The following THADA variants were observed in gnomAD, a reference collection of about 807,000 sequenced individuals.
THADA encodes tRNA (32-2'-O)-methyltransferase regulator THADA.
In THADA, 213 loss-of-function variants were observed where a neutral mutation model predicts 219.8. The observed-to-expected ratio is 0.97, with a 90% CI of 0.87 to 1.09. THADA has a LOEUF of 1.09. THADA is among the 50% of genes least tolerant of loss of function. THADA has a pLI of 0.00. For synonymous variants in THADA, 1,018 were observed against 828.9 expected, an observed-to-expected ratio of 1.23 and a Z score of -3.92; for missense variants, 2,956 against 2,311.3, an observed-to-expected ratio of 1.28 and a Z score of -5.72.
intron 31 of THADA, among the ~76,000 whole-genome samples, chr2:43,294,683 A>G (rs570752408): frequency 1.3e-5 from 2 of 152,284 alleles, no homozygotes; most frequent in East Asian, 3.9e-4. Context: ...TGAGGAGGCA[A>G]TATTAGAGGC....
chr2:43,592,579 C>G (rs1346825937), intron 1 of THADA, among the ~76,000 whole-genome samples, 163 bp from the exon 2 acceptor site: 1 of 152,186 alleles, frequency 6.6e-6, no homozygotes, highest in Non-Finnish European at 1.5e-5. Flanking sequence ...TCCTCCCTCC[C>G]AAGTTCTGAC....
intron 31 of THADA, among the ~76,000 whole-genome samples, chr2:43,295,132 A>G (rs982023836): frequency 3.9e-5 from 6 of 152,226 alleles, no homozygotes; most frequent in Non-Finnish European, 5.9e-5. Context: ...GGATCACTTG[A>G]GCCCAGGAGG....
At chr2:43,241,644 A>C (rs1179130631) in intron 36 of THADA, among the ~76,000 whole-genome samples, 1 of 151,784 alleles carries the variant, frequency 6.6e-6, no homozygotes, top group Non-Finnish European at 1.5e-5. Context: ...GCATCTTTTG[A>C]AAATTAGGAA....
chr2:43,574,939 G>A lies in THADA; in HGVS notation c.1126C>T (p.Pro376Ser). ...SAIQVLESSS[P>S]SLTDSLNGNS... The stretch of plus-strand genomic sequence containing the variant: ...CCATTCAGGCTGTCCGTTAGGCTCG[G>A]GGAACTTGATTCAAGGACTTGTATG... Residue 376 changes from proline to serine, a missense_variant, in exon 11 of 38, where the codon CCG (proline) becomes TCG (serine). By Grantham distance (74) the Pro-to-Ser change is moderately conservative (BLOSUM62 -1). Transcript: ENST00000405975. 1 of 1,613,942 alleles carries A rather than the reference G, an allele frequency of 6.2e-7. No individual in the cohort carries two copies. Among genetic ancestry groups the A allele is most frequent in the Non-Finnish European group, 8.5e-7 (1 of 1,179,882 alleles).
chr2:43,364,372 C>G (rs1458343632), intron 29 of THADA, among the ~76,000 whole-genome samples: 1 of 152,218 alleles, frequency 6.6e-6, no homozygotes, highest in African/African-American at 2.4e-5. Flanking sequence ...CCCAGCACTA[C>G]TAACGTTCCC....
intron 30 of THADA, among the ~76,000 whole-genome samples, chr2:43,339,030 C>T (rs1215903854): frequency 1.3e-5 from 2 of 152,058 alleles, no homozygotes; most frequent in Non-Finnish European, 2.9e-5. Context: ...CTTACATATA[C>T]AGTATAGCCT....
intron 29 of THADA, among the ~76,000 whole-genome samples, chr2:43,348,259 G>A (rs1478900380): frequency 6.6e-6 from 1 of 152,210 alleles, no homozygotes; most frequent in Non-Finnish European, 1.5e-5. Context: ...CTGAGCAGCA[G>A]GAGCTGGCCC....
chr2:43,438,084 G>A (rs905020493), intron 26 of THADA, among the ~76,000 whole-genome samples: 3 of 151,942 alleles, frequency 2.0e-5, no homozygotes, highest in Admixed American at 6.6e-5. Context: ...GGCAGATCAC[G>A]AGGTCAGGAG....
intron 36 of THADA, among the ~76,000 whole-genome samples, chr2:43,248,967 C>A (rs185043324): frequency 6.6e-6 from 1 of 152,214 alleles, no homozygotes; most frequent in Non-Finnish European, 1.5e-5. Context: ...TCTGTATGCA[C>A]AGTAACCTGT....
At chr2:43,418,532 G>A (rs1402979713) in intron 28 of THADA, among the ~76,000 whole-genome samples, 1 of 152,146 alleles carries the variant, frequency 6.6e-6, no homozygotes, top group Non-Finnish European at 1.5e-5. Context: ...CTAAAAGAAG[G>A]CTGTTCAAAC....
At position 43,254,668 on chromosome 2, in the gene THADA, A is replaced by AG. The variant is rs369471796; in HGVS notation, c.5297-21787dup. ...CTCTTGAAATTCTGCCCATCCTTTA[A>AG]GGTTTGGCTGTAATGAACTTTCCTC... On this transcript the variant is annotated intron_variant, in intron 36 of 37. Transcript: ENST00000405975. 3.3e-3 allele frequency among the ~76,000 whole-genome samples: 504 copies of AG among 152,150 alleles called. 3 individuals are homozygous for AG. Among genetic ancestry groups the AG allele is most frequent in the African/African-American group, 0.012 (496 of 41,514 alleles).
chr2:43,488,402 G>A (rs1406501718), intron 25 of THADA, among the ~76,000 whole-genome samples: 1 of 152,042 alleles, frequency 6.6e-6, no homozygotes, highest in Non-Finnish European at 1.5e-5. Flanking sequence ...TGCCTTTTCT[G>A]GATACTTCAT....
chr2:43,553,933 A>G (rs1697045450), intron 17 of THADA, among the ~76,000 whole-genome samples: 1 of 152,160 alleles, frequency 6.6e-6, no homozygotes, highest in Non-Finnish European at 1.5e-5. Context: ...AAAAATGTCT[A>G]TTCAGATTCT....
At chr2:43,460,785 A>G (rs1040618115) in intron 26 of THADA, among the ~76,000 whole-genome samples, 1 of 152,230 alleles carries the variant, frequency 6.6e-6, no homozygotes, top group Non-Finnish European at 1.5e-5. Flanking sequence ...CTGGAGGCCA[A>G]ACTGGTGGGG....
intron 31 of THADA, among the ~76,000 whole-genome samples, chr2:43,310,998 G>T (rs1166325863): frequency 2.6e-5 from 4 of 152,098 alleles, no homozygotes; most frequent in Non-Finnish European, 4.4e-5. Flanking sequence ...TTAACATGGT[G>T]AACTCCTGTC....
At chr2:43,418,410 C>T (rs1282792036) in intron 28 of THADA, among the ~76,000 whole-genome samples, 5 of 152,152 alleles carry the variant, frequency 3.3e-5, no homozygotes, top group Admixed American at 1.3e-4. Context: ...TCACTGACAG[C>T]GGGAGGAACC....
At chr2:43,275,847 T>C (rs989510205) in intron 36 of THADA, among the ~76,000 whole-genome samples, 3 of 152,230 alleles carry the variant, frequency 2.0e-5, no homozygotes, top group African/African-American at 7.2e-5. Context: ...AACTTAAGAA[T>C]CATGCAAATG....
chr2:43,571,259 T>C (rs1699265523), intron 13 of THADA, among the ~76,000 whole-genome samples: 1 of 150,960 alleles, frequency 6.6e-6, no homozygotes. Context: ...ATTTTTTTTT[T>C]TTTTTTTTTG....
chr2:43,590,997 T>C (rs944095308), intron 3 of THADA, 43 bp from the exon 4 acceptor site: 7 of 1,569,206 alleles, frequency 4.5e-6, no homozygotes, highest in Non-Finnish European at 5.2e-6. Context: ...ATATCAAATA[T>C]AGCAAAGTAA....
Sources: allele counts gnomAD v4.1 joint callset (sites outside exome capture counted in the v4.1 genomes callset), GRCh38; gene constraint gnomAD v4.1.1; transcripts MANE v1.5; gene names NCBI Gene and HGNC (gene_info 2026-07-23, HGNC 2026-07-21).